The following MPP7 variants were observed in gnomAD, a reference collection of about 807,000 sequenced individuals.
The protein encoded by MPP7 is MAGUK p55 scaffold protein 7.
Under a neutral mutation model 76.5 loss-of-function variants are expected in MPP7, and 60 were observed. That is an observed-to-expected ratio of 0.78 (90% CI 0.64 to 0.97). The LOEUF (loss-of-function observed/expected upper bound fraction) is 0.97, where lower values mean the gene tolerates loss of function less well. MPP7 is among the 50% of genes least tolerant of loss of function. The pLI, the probability that MPP7 is intolerant of heterozygous loss-of-function variation, is 0.00. For synonymous variants in MPP7, 237 were observed against 244.5 expected, an observed-to-expected ratio of 0.97 and a Z score of 0.29; for missense variants, 641 against 694.0, an observed-to-expected ratio of 0.92 and a Z score of 0.86.
At chr10:28,073,447 T>C (rs1852330241) in intron 12 of MPP7, among the ~76,000 whole-genome samples, 2 of 152,126 alleles carry the variant, frequency 1.3e-5, no homozygotes, top group Non-Finnish European at 2.9e-5. Flanking sequence ...GATATGTAGT[T>C]TCCAGTGGGT....
At chr10:28,276,142 TGCCTCA>T (rs1589018529) in intron 1 of MPP7, among the ~76,000 whole-genome samples, 2 of 151,416 alleles carry the variant, frequency 1.3e-5, no homozygotes, top group East Asian at 3.9e-4. Context: ...GCGATTCTCC[TGCCTCA>T]GCCTCCCAAG....
intron 11 of MPP7, among the ~76,000 whole-genome samples, chr10:28,090,209 G>C (rs1892394): frequency 0.25 from 37,934 of 151,970 alleles, 6,640 homozygotes; most frequent in East Asian, 0.88. Flanking sequence ...AATCCCCCCA[G>C]TTTAGCTTCC....
intron 3 of MPP7, among the ~76,000 whole-genome samples, chr10:28,199,345 A>G (rs897540685): frequency 2.6e-5 from 4 of 152,136 alleles, no homozygotes; most frequent in Admixed American, 1.3e-4. Flanking sequence ...CTAAAGTCTC[A>G]TGCTCACCGT....
At chr10:28,270,714 C>A (rs1840301714) in intron 1 of MPP7, among the ~76,000 whole-genome samples, 1 of 152,128 alleles carries the variant, frequency 6.6e-6, no homozygotes, top group African/African-American at 2.4e-5. Context: ...ATTAAAAATG[C>A]ATGAAAATGT....
intron 12 of MPP7, among the ~76,000 whole-genome samples, chr10:28,075,100 A>G (rs11006843): frequency 0.11 from 16,226 of 152,004 alleles, 1,578 homozygotes; most frequent in East Asian, 0.5. Flanking sequence ...CGGGAGCAGG[A>G]AGAAGGGGAA....
intron 12 of MPP7, among the ~76,000 whole-genome samples, chr10:28,074,064 G>A (rs1403244975): frequency 6.6e-6 from 1 of 152,042 alleles, no homozygotes; most frequent in Non-Finnish European, 1.5e-5. Flanking sequence ...ACCAGATAGA[G>A]GCACCATGAG....
chr10:28,194,074 A>G (rs1478139933), intron 3 of MPP7, among the ~76,000 whole-genome samples: 1 of 152,110 alleles, frequency 6.6e-6, no homozygotes, highest in East Asian at 1.9e-4. Flanking sequence ...GAGTGCAGTG[A>G]CACAATCTCA....
At chr10:28,263,624 CA>C (rs56826871) in intron 1 of MPP7, among the ~76,000 whole-genome samples, 34,659 of 152,060 alleles carry the variant, frequency 0.23, 5,204 homozygotes, top group East Asian at 0.52. Flanking sequence ...CGTGACCAAC[CA>C]AGCCAGGAGG....
intron 11 of MPP7, among the ~76,000 whole-genome samples, chr10:28,110,113 T>C (rs934068780): frequency 6.6e-6 from 1 of 151,290 alleles, no homozygotes; most frequent in Non-Finnish European, 1.5e-5. Flanking sequence ...TTTTTTGAGA[T>C]GGAGTCTCAC....
intron 3 of MPP7, among the ~76,000 whole-genome samples, chr10:28,173,419 T>C (rs80172867): frequency 0.031 from 4,693 of 152,166 alleles, 90 homozygotes; most frequent in South Asian, 0.059. Context: ...GAAATAAAAT[T>C]GGCATTATTA....
intron 3 of MPP7, among the ~76,000 whole-genome samples, chr10:28,186,200 G>T (rs1056411338): frequency 6.6e-6 from 1 of 152,082 alleles, no homozygotes; most frequent in East Asian, 1.9e-4. Context: ...ACAAAAATTA[G>T]CTGGCCATGG....
chr10:28,120,432 T>C (rs377454235), intron 9 of MPP7, 42 bp from the exon 10 acceptor site: 132 of 1,575,252 alleles, frequency 8.4e-5, no homozygotes, highest in Non-Finnish European at 1.1e-4. Context: ...AGATAAAAAA[T>C]AAATGTGAAA....
intron 6 of MPP7, among the ~76,000 whole-genome samples, chr10:28,129,211 C>G (rs1204006143): frequency 1.3e-5 from 2 of 152,046 alleles, no homozygotes; most frequent in Non-Finnish European, 2.9e-5. Flanking sequence ...GCACATTACA[C>G]GTGATACTGT....
At chr10:28,100,628 A>G (rs1008820755) in intron 11 of MPP7, among the ~76,000 whole-genome samples, 4 of 152,196 alleles carry the variant, frequency 2.6e-5, no homozygotes, top group African/African-American at 9.6e-5. Context: ...TAGAAAATTC[A>G]TCTCTGCAAT....
chr10:28,063,354 C>T (rs528997945), intron 13 of MPP7, among the ~76,000 whole-genome samples: 12 of 151,402 alleles, frequency 7.9e-5, no homozygotes, highest in Admixed American at 2.6e-4. Context: ...CCCACCTACT[C>T]GGGAGGCTGA....
intron 3 of MPP7, among the ~76,000 whole-genome samples, chr10:28,151,399 A>G (rs932618992): frequency 6.6e-6 from 1 of 152,312 alleles, no homozygotes; most frequent in South Asian, 2.1e-4. Flanking sequence ...TAAAACAAAA[A>G]CCAATCATAC....
chr10:28,202,036 G>T, intron 3 of MPP7, 117 bp downstream of exon 3: 1 of 741,370 alleles, frequency 1.3e-6, no homozygotes. Flanking sequence ...TCGGTGAATG[G>T]AACAAGGCTG....
At chr10:28,189,813 T>G (rs1837354419) in intron 3 of MPP7, among the ~76,000 whole-genome samples, 1 of 151,928 alleles carries the variant, frequency 6.6e-6, no homozygotes, top group Non-Finnish European at 1.5e-5. Context: ...ATGGTAAATA[T>G]TAACCAACTA....
chr10:28,288,270 C>T (rs1395985042), intron 1 of MPP7, among the ~76,000 whole-genome samples: 2 of 152,132 alleles, frequency 1.3e-5, no homozygotes, highest in East Asian at 1.9e-4. Flanking sequence ...GACAGGGTTT[C>T]GCTCTGTCAC....
Sources: allele counts gnomAD v4.1 joint callset (sites outside exome capture counted in the v4.1 genomes callset), GRCh38; gene constraint gnomAD v4.1.1; transcripts MANE v1.5; gene names NCBI Gene and HGNC (gene_info 2026-07-23, HGNC 2026-07-21).